Variants in IRAK3 observed in about 807,000 individuals in gnomAD.
The protein encoded by IRAK3 is interleukin-1 receptor-associated kinase 3.
A neutral mutation model predicts 56.6 loss-of-function variants in IRAK3; 57 were observed. The observed-to-expected ratio is 1.01, with a 90% confidence interval of 0.81 to 1.26. The LOEUF (loss-of-function observed/expected upper bound fraction) is 1.26, where lower values mean the gene tolerates loss of function less well. Ranked by LOEUF, IRAK3 falls within the 50% of genes most tolerant of loss-of-function variation. IRAK3 has a pLI of 0.00. For missense variants in IRAK3, 703 were observed against 719.0 expected, an observed-to-expected ratio of 0.98 and a Z score of 0.25; for synonymous variants, 258 against 255.7, an observed-to-expected ratio of 1.01 and a Z score of -0.09.
intron 7 of IRAK3, among the ~76,000 whole-genome samples, chr12:66,227,453 C>T (rs2136938766): frequency 6.6e-6 from 1 of 152,144 alleles, no homozygotes; most frequent in South Asian, 2.1e-4. Context: ...TAGCCAGGCA[C>T]CTGTGATCCC....
chr12:66,203,021 C>T lies in IRAK3; in HGVS notation c.134-690C>T, dbSNP rs1020683329. Among the ~76,000 whole-genome samples, 3 of 151,800 alleles carry T rather than the reference C, an allele frequency of 2.0e-5. No individual in the cohort carries two copies. The East Asian group carries it at 5.8e-4, about 29-fold the overall frequency. On this transcript the variant is annotated intron_variant, in intron 1 of 11. Transcript: ENST00000261233. ...AGGAGAAGGGACAGCTGTTTCTTAC[C>T]AAACAGTTCATGAAGGAAAAAGGGA... is the stretch of plus-strand genomic sequence containing the variant.
chr12:66,194,827 C>CAAAAAAA lies in IRAK3; in HGVS notation c.133+5408_133+5414dup, dbSNP rs71096077. Among the ~76,000 whole-genome samples, 8 of 132,458 alleles carry CAAAAAAA rather than the reference C, an allele frequency of 6.0e-5. No homozygotes were observed. In the South Asian group the frequency reaches 7.4e-4, roughly 12 times the overall value. 86.9% of individuals were successfully genotyped at this position (132,458 alleles called of 152,430 possible). ...CTGGGCGACAGAGCGAGACTCCTCT[C>CAAAAAAA]AAAAAAAAAAAAAAAAAAATTACAT... On this transcript the variant is annotated intron_variant, in intron 1 of 11. Transcript: ENST00000261233.
At chr12:66,210,244 A>T in intron 4 of IRAK3, 43 bp downstream of exon 4, 1 of 1,176,324 alleles carries the variant, frequency 8.5e-7, no homozygotes, top group Non-Finnish European at 1.3e-6. Flanking sequence ...TTTTAAAATC[A>T]TACTTTCATT....
intron 1 of IRAK3, among the ~76,000 whole-genome samples, chr12:66,194,573 A>C (rs1454801654): frequency 1.3e-5 from 2 of 152,112 alleles, no homozygotes; most frequent in Non-Finnish European, 2.9e-5. Context: ...CACGCCGGTA[A>C]TCCCAGCACT....
chr12:66,235,154 T>C, intron 8 of IRAK3: 1 of 1,613,906 alleles, frequency 6.2e-7, no homozygotes. Flanking sequence ...GCTGCTACTG[T>C]TGTTATTACT....
At chr12:66,234,536 G>A in intron 8 of IRAK3, 1 of 1,612,084 alleles carries the variant, frequency 6.2e-7, no homozygotes, top group Admixed American at 1.7e-5. Flanking sequence ...TGTCATTCCA[G>A]TAAGTCTCAC....
At position 66,227,114 on chromosome 12, in the gene IRAK3, GTTATA is replaced by G. The variant is rs373308789; in HGVS notation, c.768+285_768+289del. On this transcript the variant is annotated intron_variant, in intron 7 of 11. Coordinates refer to ENST00000261233, the MANE Select transcript of IRAK3 (RefSeq NM_007199.3). ...ACCCAGCAAATCTTTTGGCAACCAT[GTTATA>G]TTATATTTGATTCTGTACCTCCAGT... is the stretch of plus-strand genomic sequence containing the variant. Among the ~76,000 whole-genome samples, 13 of 152,288 alleles carry G rather than the reference GTTATA, an allele frequency of 8.5e-5. 2 individuals carry two copies. Among genetic ancestry groups the G allele is most frequent in the African/African-American group, 3.1e-4 (13 of 41,558 alleles).
chr12:66,227,789 CAGAG>C (rs1015014965), intron 7 of IRAK3, among the ~76,000 whole-genome samples: 25 of 148,490 alleles, frequency 1.7e-4, no homozygotes, highest in African/African-American at 6.0e-4. Flanking sequence ...GAGAGAGAGA[CAGAG>C]AGAGGGAGAG....
At chr12:66,192,230 A>G (rs2052406267) in intron 1 of IRAK3, among the ~76,000 whole-genome samples, 1 of 152,236 alleles carries the variant, frequency 6.6e-6, no homozygotes, top group Non-Finnish European at 1.5e-5. Flanking sequence ...TCATTACTTC[A>G]TTTAATTACT....
intron 8 of IRAK3, among the ~76,000 whole-genome samples, chr12:66,239,374 C>G (rs536864074): frequency 3.3e-5 from 5 of 150,950 alleles, no homozygotes; most frequent in Admixed American, 2.6e-4. Flanking sequence ...ATTTCCTCTC[C>G]AAAAGACTAG....
chr12:66,203,027 G>C (rs967379453), intron 1 of IRAK3, among the ~76,000 whole-genome samples: 5 of 151,994 alleles, frequency 3.3e-5, no homozygotes, highest in Admixed American at 2.0e-4. Context: ...TTACCAAACA[G>C]TTCATGAAGG....
chr12:66,218,060 C>G (rs752715661), intron 6 of IRAK3, among the ~76,000 whole-genome samples: 6 of 152,110 alleles, frequency 3.9e-5, no homozygotes, highest in Non-Finnish European at 7.4e-5. Flanking sequence ...TGCAAAATTT[C>G]AAAAGTACAA....
intron 5 of IRAK3, among the ~76,000 whole-genome samples, chr12:66,216,142 C>G (rs1235024190): frequency 6.6e-6 from 1 of 151,314 alleles, no homozygotes; most frequent in Non-Finnish European, 1.5e-5. Context: ...GCTACATTAG[C>G]ATAAACAAAA....
intron 1 of IRAK3, among the ~76,000 whole-genome samples, chr12:66,200,814 G>A (rs533173625): frequency 4.5e-4 from 68 of 152,166 alleles, no homozygotes; most frequent in Non-Finnish European, 1.0e-4. Context: ...ACAGACTTTT[G>A]TGTGTTTGTG....
rs1261814361 is a variant in IRAK3, at chr12:66,252,130, T to C, written c.*3959T>C. 6.6e-6 allele frequency: 1 copy of C among 152,224 alleles called. No individual in the cohort carries two copies. The highest frequency in any genetic ancestry group is 1.5e-5 in the Non-Finnish European group (1 of 68,054). 9.4% of individuals were successfully genotyped at this position (152,224 alleles called of 1,614,324 possible). A position where few individuals can be genotyped will look rare whatever the true frequency, so the allele number is the denominator to read the frequency against. On this transcript the variant is annotated 3_prime_UTR_variant, in exon 12 of 12. Transcript: ENST00000261233. ...AAAATGGGGTAAGGGTGAAGGGAAC[T>C]GGGTCTAGAGCTTTGCATGTTTTTT...
At chr12:66,234,305 G>A (rs893009635) in intron 8 of IRAK3, 1 of 1,612,772 alleles carries the variant, frequency 6.2e-7, no homozygotes, top group East Asian at 2.2e-5. Context: ...GGGCTGTAGT[G>A]ACATGGTGTG....
chr12:66,204,782 A>G (rs201243730), intron 2 of IRAK3, among the ~76,000 whole-genome samples: 12,616 of 55,626 alleles, frequency 0.23, 701 homozygotes, highest in African/African-American at 0.43. Flanking sequence ...CCTTGCGCAC[A>G]CACACACACA....
At chr12:66,196,928 T>G in intron 1 of IRAK3, 1 of 1,535,448 alleles carries the variant, frequency 6.5e-7, no homozygotes, top group South Asian at 1.2e-5. Flanking sequence ...TTGCAGGGGT[T>G]TTGGCATGTG....
chr12:66,241,362 C>T (rs897747690), intron 8 of IRAK3, among the ~76,000 whole-genome samples: 4 of 152,298 alleles, frequency 2.6e-5, no homozygotes, highest in African/African-American at 9.6e-5. Flanking sequence ...TTGGTGGCCA[C>T]AGTTGCTTGC....
Sources: allele counts gnomAD v4.1 joint callset (sites outside exome capture counted in the v4.1 genomes callset), GRCh38; gene constraint gnomAD v4.1.1; transcripts MANE v1.5; gene names NCBI Gene and HGNC (gene_info 2026-07-23, HGNC 2026-07-21).